The following FABP7 variants were observed in gnomAD, a reference collection of about 807,000 sequenced individuals.
The protein encoded by FABP7 is fatty acid-binding protein, brain.
In FABP7, 13 loss-of-function variants were observed where a neutral mutation model predicts 14.2. That is an observed-to-expected ratio of 0.91 (90% CI 0.59 to 1.45). FABP7 has a LOEUF of 1.45. Ranked by LOEUF, FABP7 falls within the 40% of genes most tolerant of loss-of-function variation. The pLI is 0.00. For synonymous variants in FABP7, 49 were observed against 51.4 expected (o/e 0.95, Z 0.20); for missense variants, 149 against 157.6 (o/e 0.95, Z 0.29).
the FABP7 span, among the ~76,000 whole-genome samples, chr6:122,769,705 T>C: frequency 6.6e-6 from 1 of 152,160 alleles, no homozygotes; most frequent in Admixed American, 6.6e-5. Flanking sequence ...TGGCATTTTC[T>C]TGAGTCTCGA....
At position 122,782,820 on chromosome 6, in the gene FABP7, T is replaced by A. The variant is rs1044234799; in HGVS notation, c.349-897T>A. The stretch of plus-strand genomic sequence containing the variant: ...ATGGAGGTGGGGAGCAGAGGGACAG[T>A]TTTCCTTTCATGTTAAAGGATATTT... On this transcript the variant is annotated intron_variant, in intron 3 of 3. Coordinates refer to ENST00000368444, the MANE Select transcript of FABP7 (RefSeq NM_001446.5). The A allele has an allele frequency of 1.6e-5, 15 of 966,934 alleles. No homozygotes were observed. The African/African-American group carries it at 2.7e-4, about 17-fold the overall frequency. The allele number at this position is 966,934 out of a possible 1,614,324, so 59.9% of individuals were successfully genotyped here.
At chr6:122,759,128 T>G in the FABP7 span, among the ~76,000 whole-genome samples, 1 of 152,356 alleles carries the variant, frequency 6.6e-6, no homozygotes, top group African/African-American at 2.4e-5. Flanking sequence ...ATTCATTAAT[T>G]TATTCAAACA....
At chr6:122,755,188 A>T in the FABP7 span, among the ~76,000 whole-genome samples, 1 of 152,100 alleles carries the variant, frequency 6.6e-6, no homozygotes, top group African/African-American at 2.4e-5. Flanking sequence ...TGCATATATC[A>T]TAAAGTCACT....
the FABP7 span, among the ~76,000 whole-genome samples, chr6:122,764,045 AT>A: frequency 6.6e-6 from 1 of 152,240 alleles, no homozygotes; most frequent in African/African-American, 2.4e-5. Context: ...TACTGGGTAT[AT>A]ACCCAAAGGA....
At chr6:122,750,580 T>C in the FABP7 span, among the ~76,000 whole-genome samples, 1 of 152,200 alleles carries the variant, frequency 6.6e-6, no homozygotes, top group African/African-American at 2.4e-5. Context: ...ACCCATGTCT[T>C]TGGATTTTTT....
chr6:122,762,952 G>A, the FABP7 span, among the ~76,000 whole-genome samples: 5,682 of 152,190 alleles, frequency 0.037, 333 homozygotes, highest in African/African-American at 0.13. Context: ...AGTGAAAATG[G>A]CCATACTGCC....
chr6:122,758,908 C>T, the FABP7 span, among the ~76,000 whole-genome samples: 2 of 152,166 alleles, frequency 1.3e-5, no homozygotes, highest in South Asian at 4.1e-4. Context: ...TTAGGGACCA[C>T]TGCTCAATAG....
chr6:122,761,270 G>A, the FABP7 span, among the ~76,000 whole-genome samples: 2 of 152,090 alleles, frequency 1.3e-5, no homozygotes, highest in Admixed American at 1.3e-4. Context: ...ATTTGAAAAT[G>A]AGCCAAATAC....
chr6:122,750,068 C>T, the FABP7 span, among the ~76,000 whole-genome samples: 9,057 of 152,050 alleles, frequency 0.06, 289 homozygotes, highest in East Asian at 0.11. Context: ...TATTAACATA[C>T]ACAATAAGAT....
Position 122,781,185 on chromosome 6 carries a change from A to C in FABP7, c.339A>C (p.Lys113Asn). Residue 113 changes from lysine (K) to asparagine (N), a missense_variant, in exon 3 of 4, where the codon AAA becomes AAC. By Grantham distance (94) the Lys-to-Asn change is moderately conservative. Coordinates refer to ENST00000368444, the MANE Select transcript of FABP7 (RefSeq NM_001446.5). ...TTGTAAGAGAAATTAAGGATGGCAA[A>C]ATGGTTATGGTAAGTAATGACAATT... Reference protein sequence around the residue: ...TNFVREIKDGKMVMTLTFGDV... With the variant: ...TNFVREIKDGNMVMTLTFGDV... 1 of 1,613,944 alleles carries C rather than the reference A, an allele frequency of 6.2e-7. No individual in the cohort carries two copies. The highest frequency in any genetic ancestry group is 8.5e-7 in the Non-Finnish European group (1 of 1,179,946).
chr6:122,763,527 A>T, the FABP7 span, among the ~76,000 whole-genome samples: 100 of 152,358 alleles, frequency 6.6e-4, no homozygotes, highest in African/African-American at 2.4e-3. Flanking sequence ...ACAAAAGCCA[A>T]AATAGACAAA....
At position 122,781,137 on chromosome 6, in the gene FABP7, A is replaced by G; in HGVS notation, c.291A>G (p.Lys97=). ...LDGDKLVHIQ[K]WDGKETNFVR... is the part of the protein sequence containing the mutation. The stretch of plus-strand genomic sequence containing the variant: ...GAGACAAACTTGTTCACATACAGAA[A>G]TGGGATGGCAAAGAAACAAATTTTG... The change falls in exon 3 of 4, where the codon AAA becomes AAG. Residue 97 remains lysine, a synonymous_variant. Transcript: ENST00000368444. 1 of 1,614,044 alleles carries G rather than the reference A, an allele frequency of 6.2e-7. No individual in the cohort carries two copies. The highest frequency in any genetic ancestry group is 8.5e-7 in the Non-Finnish European group (1 of 1,179,948).
the FABP7 span, among the ~76,000 whole-genome samples, chr6:122,774,359 CAAAAAAA>C: frequency 1.8e-4 from 12 of 66,640 alleles, no homozygotes; most frequent in African/African-American, 6.9e-4. Flanking sequence ...TAGACTCTGT[CAAAAAAA>C]AAAAAAAAAA....
At chr6:122,752,741 T>A in the FABP7 span, among the ~76,000 whole-genome samples, 1 of 152,224 alleles carries the variant, frequency 6.6e-6, no homozygotes, top group African/African-American at 2.4e-5. Context: ...GAAGTAAGCC[T>A]TGTGGCTCTA....
the FABP7 span, among the ~76,000 whole-genome samples, chr6:122,751,983 A>G: frequency 6.6e-6 from 1 of 152,064 alleles, no homozygotes; most frequent in Non-Finnish European, 1.5e-5. Context: ...ACATTCTCTC[A>G]GGCCCATTGT....
the FABP7 span, among the ~76,000 whole-genome samples, chr6:122,768,124 T>G: frequency 6.6e-6 from 1 of 152,234 alleles, no homozygotes; most frequent in East Asian, 1.9e-4. Context: ...ATATGTTCAC[T>G]TCATTCATGA....
chr6:122,765,251 A>C, the FABP7 span, among the ~76,000 whole-genome samples: 1 of 152,094 alleles, frequency 6.6e-6, no homozygotes, highest in Non-Finnish European at 1.5e-5. Context: ...TTTTTCACTT[A>C]TGTTTTATAT....
intron 3 of FABP7, chr6:122,783,080 C>A: frequency 1.0e-6 from 1 of 985,354 alleles, no homozygotes; most frequent in South Asian, 4.7e-5. Context: ...TACATGAAAA[C>A]CATGAGCACC....
chr6:122,772,298 T>C, the FABP7 span, among the ~76,000 whole-genome samples: 1 of 152,062 alleles, frequency 6.6e-6, no homozygotes, highest in African/African-American at 2.4e-5. Flanking sequence ...CTATGTCAGA[T>C]CTAGAAGCAG....
Sources: gnomAD v4.1 joint callset for allele counts (sites outside exome capture counted in the v4.1 genomes callset) on GRCh38, gnomAD v4.1.1 for gene constraint, MANE v1.5 for transcripts, NCBI Gene and HGNC (gene_info 2026-07-23, HGNC 2026-07-21) for gene names.